LRP2: variants seen among roughly 807,000 people sequenced by gnomAD.
The protein encoded by LRP2 is LDL receptor related protein 2.
Under a neutral mutation model 531.0 loss-of-function variants are expected in LRP2, and 172 were observed. The observed-to-expected ratio is 0.32, with a 90% CI of 0.29 to 0.37. LRP2 has a LOEUF of 0.37. Among genes scored for constraint, LRP2 ranks in the 10% least tolerant of loss-of-function variants. The probability of loss-of-function intolerance (pLI) is 1.00; values close to 1 mark genes in which losing one functional copy is unlikely to be tolerated. For synonymous variants in LRP2, 1,992 were observed against 2,027.6 expected (o/e 0.98, Z 0.47); for missense variants, 5,167 against 5,868.3 (o/e 0.88, Z 3.90).
chr2:169,166,540 C>A (rs1001397428), intron 61 of LRP2, among the ~76,000 whole-genome samples: 1 of 152,022 alleles, frequency 6.6e-6, no homozygotes, highest in Non-Finnish European at 1.5e-5. Context: ...ATCCTAACAG[C>A]CAGGAAGCCA....
Position 169,244,917 on chromosome 2 carries a change from G to T in LRP2, c.3206C>A (p.Ser1069Tyr). Residue 1069 changes from serine to tyrosine, a missense_variant, in exon 22 of 79, where the codon TCT becomes TAT. By Grantham distance (144) the Ser-to-Tyr change is moderately radical (BLOSUM62 -2). Around this residue, in one of 6 missense-constraint regions of LRP2, gnomAD observed 2,811 missense variants for 3,058.0 expected, o/e 0.92. Transcript: ENST00000649046. The stretch of plus-strand genomic sequence containing the variant: ...CCCATGGCCACAGGTGAACGCCGAA[G>T]ATGAACAGGTATTATCTACAATAGT... ...LCGTLNNTCS[S>Y]SAFTCGHGEC... 1 of 1,614,220 alleles carries T rather than the reference G, an allele frequency of 6.2e-7. No individual in the cohort carries two copies. Among genetic ancestry groups the T allele is most frequent in the South Asian group, 1.1e-5 (1 of 91,080 alleles).
chr2:169,170,692 T>C, intron 58 of LRP2, 25 bp from the exon 59 acceptor site: 1 of 1,496,818 alleles, frequency 6.7e-7, no homozygotes, highest in Non-Finnish European at 9.3e-7. Flanking sequence ...CACCTGGCCA[T>C]GAGTGTGCAC....
chr2:169,317,650 A>G (rs1574251445), intron 3 of LRP2, among the ~76,000 whole-genome samples: 1 of 152,184 alleles, frequency 6.6e-6, no homozygotes, highest in Non-Finnish European at 1.5e-5. Flanking sequence ...AGCCAAAAAC[A>G]TCCACAATGA....
At chr2:169,140,157 C>A (rs1171519030) in intron 72 of LRP2, among the ~76,000 whole-genome samples, 2 of 152,214 alleles carry the variant, frequency 1.3e-5, no homozygotes, top group Non-Finnish European at 2.9e-5. Context: ...TAACTCCTTG[C>A]TCCCCAAAGT....
chr2:169,274,706 T>C (rs1383026158), intron 14 of LRP2, among the ~76,000 whole-genome samples: 1 of 152,156 alleles, frequency 6.6e-6, no homozygotes, highest in African/African-American at 2.4e-5. Flanking sequence ...AATAGATGTC[T>C]TTCCCAGTAG....
At chr2:169,297,666 T>G (rs1684167889) in intron 4 of LRP2, among the ~76,000 whole-genome samples, 1 of 152,166 alleles carries the variant, frequency 6.6e-6, no homozygotes, top group Admixed American at 6.6e-5. Context: ...AGAGTTTTTA[T>G]ATTTTTTCAC....
chr2:169,351,296 A>G (rs1037714951), intron 1 of LRP2, among the ~76,000 whole-genome samples: 1 of 152,218 alleles, frequency 6.6e-6, no homozygotes, highest in Admixed American at 6.5e-5. Context: ...ATTGAAAGGT[A>G]ATTACAGTGG....
At chr2:169,143,605 C>G (rs534570167) in intron 70 of LRP2, among the ~76,000 whole-genome samples, 6 of 152,274 alleles carry the variant, frequency 3.9e-5, no homozygotes, top group Middle Eastern at 3.4e-3. Flanking sequence ...GAGATTGCAC[C>G]ACTGCACTCC....
At position 169,165,915 on chromosome 2, in the gene LRP2, T is replaced by G. The variant is rs1436886185; in HGVS notation, c.11758+17A>C. On this transcript the variant is annotated intron_variant, in intron 62 of 78. Coordinates refer to ENST00000649046, the MANE Select transcript of LRP2 (RefSeq NM_004525.3). ...GGGGTCCTTCCTTTTTCCTTCTCCC[T>G]TTTGACTTTTGCTTACAGTGCTCCT... The G allele has an allele frequency of 6.2e-7, 1 of 1,613,238 alleles. No homozygotes were observed. The highest frequency in any genetic ancestry group is 8.5e-7 in the Non-Finnish European group (1 of 1,179,506).
chr2:169,269,314 G>A (rs1375215584), intron 16 of LRP2, among the ~76,000 whole-genome samples: 3 of 152,276 alleles, frequency 2.0e-5, no homozygotes, highest in Admixed American at 6.5e-5. Flanking sequence ...TAAGCCAAAA[G>A]AACAAAGCTG....
intron 1 of LRP2, among the ~76,000 whole-genome samples, chr2:169,327,739 C>A (rs562940995): frequency 1.6e-5 from 2 of 126,642 alleles, no homozygotes; most frequent in Non-Finnish European, 3.5e-5. Flanking sequence ...GCCAGCCGCC[C>A]CGTCCGGGAG....
intron 21 of LRP2, among the ~76,000 whole-genome samples, 179 bp downstream of exon 21, chr2:169,246,526 A>G (rs546842147): frequency 6.6e-6 from 1 of 152,370 alleles, no homozygotes; most frequent in South Asian, 2.1e-4. Flanking sequence ...AACCATCCAT[A>G]ACATTATGAA....
At chr2:169,245,601 T>G (rs1574175373) in intron 21 of LRP2, among the ~76,000 whole-genome samples, 1 of 152,064 alleles carries the variant, frequency 6.6e-6, no homozygotes, top group South Asian at 2.1e-4. Flanking sequence ...GTCCTCTATC[T>G]TTTTTTTAAT....
Position 169,170,600 on chromosome 2 carries a change from G to T in LRP2, c.11331C>A (p.Ile3777=). 1 of 1,614,168 alleles carries T rather than the reference G, an allele frequency of 6.2e-7. No homozygotes were observed. Among genetic ancestry groups the T allele is most frequent in the Non-Finnish European group, 8.5e-7 (1 of 1,180,026 alleles). ...CCCCACAGTCGTTGTAATGGTCACA[G>T]ATCCATCGCGAGGGAATGCACTGCT... The part of the protein sequence containing the change: ...VNQQCIPSRW[I]CDHYNDCGDN... Residue 3777 remains isoleucine (I), a synonymous_variant, in exon 59 of 79, where the codon ATC becomes ATA. Coordinates refer to ENST00000649046, the MANE Select transcript of LRP2 (RefSeq NM_004525.3).
intron 31 of LRP2, among the ~76,000 whole-genome samples, chr2:169,231,373 G>C (rs1319023197): frequency 6.6e-6 from 1 of 151,738 alleles, no homozygotes. Context: ...AAATGAAGCT[G>C]TACACAAACG....
intron 59 of LRP2, among the ~76,000 whole-genome samples, chr2:169,170,347 C>T (rs1686949083): frequency 6.6e-6 from 1 of 152,168 alleles, no homozygotes; most frequent in Non-Finnish European, 1.5e-5. Flanking sequence ...TTGCTATTTT[C>T]CTCAATTATG....
chr2:169,358,356 G>GAA (rs751144143), intron 1 of LRP2, among the ~76,000 whole-genome samples: 2 of 148,532 alleles, frequency 1.3e-5, no homozygotes, highest in East Asian at 2.0e-4. Context: ...TTATCTGTAA[G>GAA]AAAAAAAAAA....
intron 9 of LRP2, among the ~76,000 whole-genome samples, chr2:169,283,832 G>A (rs1382691822): frequency 1.3e-5 from 2 of 152,208 alleles, no homozygotes; most frequent in African/African-American, 2.4e-5. Context: ...TTTAAAAATA[G>A]TTCCAATATA....
In LRP2 at chr2:169,138,706, G is replaced by T; in HGVS notation, c.13389C>A (p.Ser4463Arg). ...SLLPALPKLP[S>R]LSSLVKPSEN... The stretch of plus-strand genomic sequence containing the variant: ...CAGAGGGCTTGACGAGACTGCTTAA[G>T]CTGGAAAGAAGTAACCAAAACAGTG... The change falls in exon 75 of 79, where the codon AGC (serine) becomes AGA (arginine). Residue 4463 changes from serine (S) to arginine (R), a missense_variant and splice_region_variant. Coordinates refer to ENST00000649046, the MANE Select transcript of LRP2 (RefSeq NM_004525.3). 2 of 1,613,908 alleles carry T rather than the reference G, an allele frequency of 1.2e-6. No homozygotes were observed. The highest frequency in any genetic ancestry group is 2.2e-5 in the South Asian group (2 of 91,076).
Sources: gnomAD v4.1 joint callset for allele counts (sites outside exome capture counted in the v4.1 genomes callset) on GRCh38, gnomAD v4.1.1 for gene constraint, gnomAD v4.1.1 regional missense constraint, MANE v1.5 for transcripts, NCBI Gene and HGNC (gene_info 2026-07-23, HGNC 2026-07-21) for gene names.